Variants in BCL2L11 observed in about 807,000 individuals in gnomAD.
BCL2L11 encodes the protein BCL2 like 11, also known as bcl-2-like protein 11.
A neutral mutation model predicts 20.6 loss-of-function variants in BCL2L11; 15 were observed. That is an observed-to-expected ratio of 0.73 (90% CI 0.49 to 1.12). BCL2L11 has a LOEUF of 1.12. Among genes scored for constraint, BCL2L11 ranks in the 50% most tolerant of loss-of-function variants. The pLI, the probability that BCL2L11 is intolerant of heterozygous loss-of-function variation, is 0.00. For synonymous variants in BCL2L11, 108 were observed against 92.8 expected (o/e 1.16, Z -0.94); for missense variants, 292 against 260.9 (o/e 1.12, Z -0.82).
chr2:111,164,028 C>G (rs567385692), intron 3 of BCL2L11, 105 bp from the exon 4 acceptor site: 109 of 750,160 alleles, frequency 1.5e-4, no homozygotes, highest in Non-Finnish European at 2.0e-4. Context: ...AGGTGCCTTT[C>G]ATGGTGATTA....
chr2:111,122,281 C>T (rs2071205606), intron 1 of BCL2L11, among the ~76,000 whole-genome samples: 1 of 152,206 alleles, frequency 6.6e-6, no homozygotes, highest in Non-Finnish European at 1.5e-5. Flanking sequence ...CCGGGCGCGG[C>T]GCAAGTCCTG....
Position 111,123,123 on chromosome 2 carries a change from G to C in BCL2L11, c.-13-610G>C, listed in dbSNP as rs555561468. The C allele has an allele frequency of 3.7e-4, 367 of 983,072 alleles. 5 individuals carry two copies. The highest frequency in any genetic ancestry group is 8.0e-4 in the South Asian group (17 of 21,252). 60.9% of individuals were successfully genotyped at this position (983,072 alleles called of 1,614,324 possible). A position where few individuals can be genotyped will look rare whatever the true frequency, so the allele number is the denominator to read the frequency against. On this transcript the variant is annotated intron_variant, in intron 1 of 3. Transcript: ENST00000393256. ...AGAGAAGTTCTGTCTGATTCGGTGC[G>C]GCGTGCGGTACGGGAGCGGGAGGGA...
At chr2:111,150,000 T>C (rs1433950189) in intron 2 of BCL2L11, 44 bp from the exon 3 acceptor site, 2 of 1,552,108 alleles carry the variant, frequency 1.3e-6, no homozygotes, top group Non-Finnish European at 1.8e-6. Context: ...CCCAGTGATC[T>C]GTGGACCACA....
intron 2 of BCL2L11, among the ~76,000 whole-genome samples, chr2:111,125,617 A>G (rs1559015537): frequency 6.6e-6 from 1 of 152,214 alleles, no homozygotes; most frequent in Non-Finnish European, 1.5e-5. Flanking sequence ...GAGGTAAATC[A>G]GGCAGGCCTT....
intron 2 of BCL2L11, chr2:111,130,086 GTATT>G (rs764218626): frequency 2.5e-6 from 1 of 392,904 alleles, no homozygotes; most frequent in Non-Finnish European, 5.0e-6. Flanking sequence ...ATTAAAAGAA[GTATT>G]TATTGTACTT....
chr2:111,163,251 G>C (rs1013624538), intron 3 of BCL2L11: 1 of 152,204 alleles, frequency 6.6e-6, no homozygotes, highest in Admixed American at 6.5e-5. Context: ...CATGTAGCCC[G>C]GTCTCGTGTG....
At chr2:111,122,543 G>A (rs1397432976) in intron 1 of BCL2L11, 23 of 925,362 alleles carry the variant, frequency 2.5e-5, no homozygotes, top group South Asian at 4.9e-5. Flanking sequence ...CGGAGCGACC[G>A]CGCGCGGACC....
At chr2:111,138,189 A>G (rs1476245924) in intron 2 of BCL2L11, among the ~76,000 whole-genome samples, 1 of 151,824 alleles carries the variant, frequency 6.6e-6, no homozygotes, top group Non-Finnish European at 1.5e-5. Flanking sequence ...TTGTATTTTT[A>G]GTAGAGACAG....
chr2:111,137,107 T>A (rs1559042350), intron 2 of BCL2L11, among the ~76,000 whole-genome samples: 1 of 152,208 alleles, frequency 6.6e-6, no homozygotes, highest in Non-Finnish European at 1.5e-5. Flanking sequence ...GGGGACTTCT[T>A]ACTAAAGATT....
At chr2:111,134,449 T>A (rs892619144) in intron 2 of BCL2L11, among the ~76,000 whole-genome samples, 6 of 152,198 alleles carry the variant, frequency 3.9e-5, no homozygotes, top group African/African-American at 7.2e-5. Context: ...TACTTTTCTT[T>A]AGGCTCCGTT....
intron 2 of BCL2L11, among the ~76,000 whole-genome samples, chr2:111,132,700 A>C (rs1168995076): frequency 1.3e-5 from 2 of 152,184 alleles, no homozygotes; most frequent in Non-Finnish European, 2.9e-5. Flanking sequence ...TTTGCCAGCA[A>C]ACATTGCCTG....
intron 2 of BCL2L11, chr2:111,146,375 A>G: frequency 4.4e-6 from 2 of 457,082 alleles, no homozygotes; most frequent in Non-Finnish European, 5.8e-6. Context: ...TAAACTAGAA[A>G]TGTCAACCTA....
Position 111,164,384 on chromosome 2 carries a change from G to A in BCL2L11, c.*153G>A, listed in dbSNP as rs1298064705. 3.3e-6 allele frequency: 2 copies of A among 605,288 alleles called. No individual in the cohort carries two copies. Among genetic ancestry groups the A allele is most frequent in the Middle Eastern group, 4.3e-4 (1 of 2,342 alleles). The allele number at this position is 605,288 out of a possible 1,614,324, so 37.5% of individuals were successfully genotyped here. ...CGTTTCAGAAGACACCGAGCTGGAT[G>A]GGACTACCTTTCTGTTCATCACCAC... On this transcript the variant is annotated 3_prime_UTR_variant, in exon 4 of 4. Transcript: ENST00000393256.
chr2:111,120,973 TGCCGCTGCCGCC>T lies in BCL2L11; in HGVS notation c.-223_-212del, dbSNP rs1400419901. On this transcript the variant is annotated 5_prime_UTR_variant, in exon 1 of 4. Coordinates refer to ENST00000393256, the MANE Select transcript of BCL2L11 (RefSeq NM_138621.5). ...GTTGGAGCTCTGCGTCCAGCGCCGC[TGCCGCTGCCGCC>T]GCCGCCGCCGCCGCCGCCGCCGCCG... 3.7e-5 allele frequency: 10 copies of T among 271,166 alleles called. 1 individual carries two copies. In the Admixed American group the frequency reaches 4.8e-4, roughly 13 times the overall value. The allele number at this position is 271,166 out of a possible 1,614,324, so 16.8% of individuals were successfully genotyped here. A position where few individuals can be genotyped will look rare whatever the true frequency, so the allele number is the denominator to read the frequency against.
At chr2:111,147,327 ATCTC>A (rs367737247) in intron 2 of BCL2L11, among the ~76,000 whole-genome samples, 9 of 125,838 alleles carry the variant, frequency 7.2e-5, no homozygotes, top group Admixed American at 6.3e-4. Flanking sequence ...AGCCTCCTGT[ATCTC>A]TCTCTCTCTC....
chr2:111,134,396 A>G (rs13401887), intron 2 of BCL2L11, among the ~76,000 whole-genome samples: 2,107 of 152,242 alleles, frequency 0.014, 54 homozygotes, highest in African/African-American at 0.048. Context: ...ACTGGTATCA[A>G]TGGTCACAGC....
At chr2:111,149,658 G>A (rs943461500) in intron 2 of BCL2L11, among the ~76,000 whole-genome samples, 1 of 152,150 alleles carries the variant, frequency 6.6e-6, no homozygotes, top group East Asian at 1.9e-4. Context: ...AGATCAGAAT[G>A]ATTATTTTAC....
At chr2:111,124,906 A>G (rs1468756074) in intron 2 of BCL2L11, among the ~76,000 whole-genome samples, 1 of 152,256 alleles carries the variant, frequency 6.6e-6, no homozygotes, top group Non-Finnish European at 1.5e-5. Flanking sequence ...CTTATTGCTC[A>G]GAGGGTTTGG....
At chr2:111,156,042 C>T (rs2077802306) in intron 3 of BCL2L11, among the ~76,000 whole-genome samples, 2 of 152,204 alleles carry the variant, frequency 1.3e-5, no homozygotes, top group South Asian at 4.1e-4. Flanking sequence ...GTGAAATCCC[C>T]AGTGCTATCT....
Sources: gnomAD v4.1 joint callset for allele counts (sites outside exome capture counted in the v4.1 genomes callset) on GRCh38, gnomAD v4.1.1 for gene constraint, MANE v1.5 for transcripts, NCBI Gene and HGNC (gene_info 2026-07-23, HGNC 2026-07-21) for gene names.